GALNT9: variants seen among roughly 807,000 people sequenced by gnomAD.
GALNT9 encodes the protein GalNAc transferase 9.
A neutral mutation model predicts 63.1 loss-of-function variants in GALNT9; 47 were observed. That is an observed-to-expected ratio of 0.75 (90% CI 0.59 to 0.95). GALNT9 has a LOEUF of 0.95. GALNT9 is among the 40% of genes least tolerant of loss of function. The pLI is 0.00. For missense variants in GALNT9, 829 were observed against 874.8 expected, an observed-to-expected ratio of 0.95 and a Z score of 0.66; for synonymous variants, 396 against 365.7, an observed-to-expected ratio of 1.08 and a Z score of -0.94.
intron 2 of GALNT9, among the ~76,000 whole-genome samples, chr12:132,263,860 G>T (rs371406096): frequency 1.3e-5 from 2 of 152,256 alleles, no homozygotes; most frequent in East Asian, 1.9e-4. Context: ...GGCCTCTGGG[G>T]GACAGTGGTG....
rs1555239281 is a variant in GALNT9, at chr12:132,257,856, C to A, written c.792G>T (p.Glu264Asp). Reference sequence around the variant, plus strand: ...CTGGCAGCACGATGCGACGCCGGTCCTCTCGGATCCGCGACAGTGCGGGCT... The same window carrying A: ...CTGGCAGCACGATGCGACGCCGGTCATCTCGGATCCGCGACAGTGCGGGCT... ...WAEPALSRIREDRRRIVLPAI... is the reference protein window; with the variant it reads ...WAEPALSRIRDDRRRIVLPAI... The change falls in exon 5 of 11, where the codon GAG becomes GAT. Residue 264 changes from glutamate to aspartate, a missense_variant. Coordinates refer to ENST00000328957, the MANE Select transcript of GALNT9 (RefSeq NM_001122636.2). 4 of 1,548,136 alleles carry A rather than the reference C, an allele frequency of 2.6e-6. No individual in the cohort carries two copies. Among genetic ancestry groups the A allele is most frequent in the Non-Finnish European group, 3.5e-6 (4 of 1,146,358 alleles).
chr12:132,290,677 ACGTCCTCAGCG>A, intron 1 of GALNT9, among the ~76,000 whole-genome samples: 2 of 110,236 alleles, frequency 1.8e-5, no homozygotes, highest in African/African-American at 5.0e-5. Flanking sequence ...CACAGCGCCC[ACGTCCTCAGCG>A]CCCACAACCA....
intron 1 of GALNT9, among the ~76,000 whole-genome samples, chr12:132,287,879 G>A (rs1464506182): frequency 6.6e-6 from 1 of 152,158 alleles, no homozygotes; most frequent in Non-Finnish European, 1.5e-5. Context: ...ACCATTGGCT[G>A]TCTCTGAGCT....
At chr12:132,214,667 C>T (rs1314774594) in intron 6 of GALNT9, among the ~76,000 whole-genome samples, 5 of 152,256 alleles carry the variant, frequency 3.3e-5, no homozygotes, top group African/African-American at 1.2e-4. Context: ...CTCATACCCT[C>T]TGCCTCCTGT....
chr12:132,280,004 A>G (rs1235671190), intron 2 of GALNT9: 1 of 151,032 alleles, frequency 6.6e-6, no homozygotes, highest in Non-Finnish European at 1.5e-5. Context: ...AGTGTCTGCC[A>G]AATCTCCTGA....
At position 132,262,459 on chromosome 12, in the gene GALNT9, C is replaced by G. The variant is rs370356913; in HGVS notation, c.586G>C (p.Val196Leu). ...VILVDDNSDN[V>L]ELKFNLDQYV... Reference sequence around the variant, plus strand: ...CCGTGCCGAGGCCCCGCCCACTCACCGTTGTCACTGTTGTCGTCCACCAGG... The same window carrying G: ...CCGTGCCGAGGCCCCGCCCACTCACGGTTGTCACTGTTGTCGTCCACCAGG... Residue 196 changes from valine to leucine, a missense_variant and splice_region_variant, in exon 3 of 11, where the codon GTG becomes CTG. By Grantham distance (32) the Val-to-Leu change is conservative (BLOSUM62 1). Transcript: ENST00000328957. The G allele has an allele frequency of 6.5e-7, 1 of 1,549,326 alleles. No individual in the cohort carries two copies. Among genetic ancestry groups the G allele is most frequent in the African/African-American group, 1.4e-5 (1 of 73,148 alleles).
In GALNT9 at chr12:132,286,783, A is replaced by G. The variant is rs573234564; in HGVS notation, c.239-353T>C. Among the ~76,000 whole-genome samples the G allele has an allele frequency of 1.3e-5, 2 of 152,222 alleles. No individual in the cohort carries two copies. Among genetic ancestry groups the G allele is most frequent in the Admixed American group, 1.3e-4 (2 of 15,304 alleles). On this transcript the variant is annotated intron_variant, in intron 1 of 10. Coordinates refer to ENST00000328957, the MANE Select transcript of GALNT9 (RefSeq NM_001122636.2). The surrounding 1 kb of genome is among the most constrained non-coding windows in gnomAD (Gnocchi z 7.4). ...GGCTGCAGTGCAGTGGCATGATCTC[A>G]GCTCACTGCAGCCTGGACCTCCCAG...
intron 1 of GALNT9, among the ~76,000 whole-genome samples, chr12:132,289,808 G>T (rs897205047): frequency 6.6e-6 from 1 of 152,198 alleles, no homozygotes; most frequent in African/African-American, 2.4e-5. Context: ...AGACGCTGCT[G>T]CCCACTGAGC....
rs148188885 is a variant in GALNT9 at position 132,265,670 on chromosome 12, C to T, written c.420-3045G>A. ...AAGTTCCTGATGCCCGGTACAGGCC[C>T]GGGAAAGACAATGAAGATACCTTAT... is the stretch of plus-strand genomic sequence containing the variant. On this transcript the variant is annotated intron_variant, in intron 2 of 10. Coordinates refer to ENST00000328957, the MANE Select transcript of GALNT9 (RefSeq NM_001122636.2). This position sits in a 1 kb window ranked among gnomAD's most constrained non-coding sequence, Gnocchi z 5.3. Among the ~76,000 whole-genome samples the T allele has an allele frequency of 3.3e-5, 5 of 152,104 alleles. No individual in the cohort carries two copies. The highest frequency in any genetic ancestry group is 5.9e-5 in the Non-Finnish European group (4 of 68,020).
chr12:132,244,146 A>G (rs2136906273), intron 6 of GALNT9, among the ~76,000 whole-genome samples: 9 of 130,180 alleles, frequency 6.9e-5, no homozygotes, highest in Non-Finnish European at 1.4e-4. Flanking sequence ...CCACGGGCCA[A>G]GACAGCCTGC....
chr12:132,275,915 G>C (rs1406067355), intron 2 of GALNT9: 1 of 152,718 alleles, frequency 6.5e-6, no homozygotes, highest in Non-Finnish European at 1.5e-5. Flanking sequence ...CTGGATCCCA[G>C]GCCACCCGCA....
At chr12:132,305,102 G>GCCTCACCCGGGCACAA (rs1566019898) in intron 1 of GALNT9, among the ~76,000 whole-genome samples, 1 of 25,768 alleles carries the variant, frequency 3.9e-5, no homozygotes, top group Non-Finnish European at 6.7e-5. Context: ...CCCGGGCACA[G>GCCTCACCCGGGCACAA]CCTCACCCAG....
At chr12:132,230,761 G>A (rs1877859689) in intron 6 of GALNT9, among the ~76,000 whole-genome samples, 1 of 152,258 alleles carries the variant, frequency 6.6e-6, no homozygotes. Context: ...CACACTGGAG[G>A]CTGAGGTATG....
At chr12:132,244,753 A>ATG (rs1555237859) in intron 6 of GALNT9, among the ~76,000 whole-genome samples, 3 of 30,406 alleles carry the variant, frequency 9.9e-5, no homozygotes, top group African/African-American at 5.6e-4. Flanking sequence ...ATGGGGCTGG[A>ATG]CGGGGGCGTG....
intron 1 of GALNT9, among the ~76,000 whole-genome samples, chr12:132,291,136 G>C (rs1267641020): frequency 9.3e-5 from 4 of 42,922 alleles, no homozygotes; most frequent in Non-Finnish European, 1.2e-4. Flanking sequence ...CACATCCACA[G>C]CACCCACAAC....
intron 6 of GALNT9, among the ~76,000 whole-genome samples, chr12:132,229,637 G>A (rs1366345422): frequency 5.9e-5 from 9 of 152,222 alleles, no homozygotes; most frequent in Non-Finnish European, 8.8e-5. Flanking sequence ...CAGCGGGGCC[G>A]TCCCCACCCT....
At chr12:132,293,310 A>C (rs1271606054) in intron 1 of GALNT9, among the ~76,000 whole-genome samples, 3 of 152,246 alleles carry the variant, frequency 2.0e-5, no homozygotes, top group African/African-American at 7.2e-5. Flanking sequence ...GTGGCTGCTG[A>C]GCACTTGCTC....
intron 1 of GALNT9, among the ~76,000 whole-genome samples, chr12:132,324,462 C>T (rs1425578465): frequency 2.0e-5 from 3 of 151,954 alleles, no homozygotes; most frequent in Admixed American, 2.0e-4. Context: ...TGTCCTCGTA[C>T]GGCTGACCTG....
At position 132,286,477 on chromosome 12, in the gene GALNT9, G is replaced by A. The variant is rs1555242215; in HGVS notation, c.239-47C>T. On this transcript the variant is annotated intron_variant, in intron 1 of 10. Transcript: ENST00000328957. The surrounding 1 kb of genome is among the most constrained non-coding windows in gnomAD (Gnocchi z 7.4). ...AGGTCAGGCAGGCCCAGGACACGCT[G>A]CGTCTGCACCCAGGAGACGCCCCTC... 3.3e-6 allele frequency: 5 copies of A among 1,510,642 alleles called. No homozygotes were observed. The South Asian group carries it at 5.1e-5, about 15-fold the overall frequency. 93.6% of individuals were successfully genotyped at this position (1,510,642 alleles called of 1,614,324 possible).
Sources: allele counts gnomAD v4.1 joint callset (sites outside exome capture counted in the v4.1 genomes callset), GRCh38; gene constraint gnomAD v4.1.1; non-coding constraint Gnocchi (gnomAD v3.1); transcripts MANE v1.5; gene names NCBI Gene and HGNC (gene_info 2026-07-23, HGNC 2026-07-21).